LAMA5: variants seen among roughly 807,000 people sequenced by gnomAD.
The protein encoded by LAMA5 is laminin subunit alpha-5.
In LAMA5, 260 loss-of-function variants were observed where a neutral mutation model predicts 433.4. The observed-to-expected ratio is 0.60, with a 90% CI of 0.54 to 0.66. The LOEUF (loss-of-function observed/expected upper bound fraction) is 0.66, where lower values mean the gene tolerates loss of function less well. Among genes scored for constraint, LAMA5 ranks in the 30% least tolerant of loss-of-function variants. The pLI is 0.00. For missense variants in LAMA5, 5,378 were observed against 5,258.5 expected (o/e 1.02, Z -0.70); for synonymous variants, 2,620 against 2,226.6 (o/e 1.18, Z -4.97).
At position 62,346,579 on chromosome 20, in the gene LAMA5, G is replaced by A; in HGVS notation, c.1209C>T (p.Val403=). 1 of 1,588,330 alleles carries A rather than the reference G, an allele frequency of 6.3e-7. No individual in the cohort carries two copies. ...CIDCQHHTTG[V]NCERCLPGFY... is the part of the protein sequence containing the mutation. ...AGCCGGGCAGGCAGCGCTCACAGTT[G>A]ACGCCGGTGGTGTGGTGCTGGGAGT... Residue 403 remains valine (V), a synonymous_variant, in exon 9 of 80, where the codon GTC becomes GTT. Coordinates refer to ENST00000252999, the MANE Select transcript of LAMA5 (RefSeq NM_005560.6).
rs750816790 is a variant in LAMA5, at chr20:62,352,298, C to T, written c.631G>A (p.Asp211Asn). 13 of 1,599,916 alleles carry T rather than the reference C, an allele frequency of 8.1e-6. No individual in the cohort carries two copies. The Admixed American group carries it at 8.3e-5, about 10-fold the overall frequency. The change falls in exon 4 of 80, where the codon GAC (aspartate) becomes AAC (asparagine). Residue 211 changes from aspartate (D) to asparagine (N), a missense_variant. Transcript: ENST00000252999. The stretch of plus-strand genomic sequence containing the variant: ...TACTCGGTGGTGCAGATGGCCGCGT[C>T]GTCCCGTGTGATGCGCTCCAGCGTC... ...PQTLERITRD[D>N]AAICTTEYSR...
Position 62,327,555 on chromosome 20 carries a change from G to T in LAMA5, c.4912C>A (p.Arg1638=), listed in dbSNP as rs761794524. Residue 1638 remains arginine (R), a synonymous_variant, in exon 37 of 80, where the codon CGG becomes AGG. Transcript: ENST00000252999. ...TCCTGGCGGGTGTAGGACGAGCTCCGGCAGCGCTCCGTGGCCCCAAAGCAG... is the reference window on the plus strand; with the variant it reads ...TCCTGGCGGGTGTAGGACGAGCTCCTGCAGCGCTCCGTGGCCCCAAAGCAG... ...CFCFGATERC[R]SSSYTRQEFV... 6.2e-7 allele frequency: 1 copy of T among 1,612,834 alleles called. No individual in the cohort carries two copies. Among genetic ancestry groups the T allele is most frequent in the South Asian group, 1.1e-5 (1 of 91,080 alleles).
chr20:62,332,245 G>A, intron 28 of LAMA5, 127 bp downstream of exon 28: 1 of 672,764 alleles, frequency 1.5e-6, no homozygotes, highest in Non-Finnish European at 2.7e-6. Context: ...AACATGCTGG[G>A]CTGGGCATGA....
intron 2 of LAMA5, 90 bp from the exon 3 acceptor site, chr20:62,353,341 G>T: frequency 2.2e-6 from 2 of 919,184 alleles, no homozygotes; most frequent in South Asian, 1.6e-5. Context: ...CTCAGGTGAG[G>T]CCACAGCAGG....
intron 11 of LAMA5, among the ~76,000 whole-genome samples, chr20:62,343,772 A>AT (rs1474092108): frequency 6.9e-6 from 1 of 144,396 alleles, no homozygotes; most frequent in East Asian, 2.0e-4. Flanking sequence ...GTGAAACTCC[A>AT]TCAAAAAAAA....
At chr20:62,363,627 A>C (rs888104869) in intron 1 of LAMA5, among the ~76,000 whole-genome samples, 20 of 152,044 alleles carry the variant, frequency 1.3e-4, no homozygotes, top group Admixed American at 1.3e-3. Flanking sequence ...TTGTCCACAC[A>C]AAGGCGCCCT....
rs958144020 is a variant in LAMA5 at position 62,335,105 on chromosome 20, T to G, written c.2398A>C (p.Lys800Gln). 6.2e-7 allele frequency: 1 copy of G among 1,612,964 alleles called. No individual in the cohort carries two copies. Among genetic ancestry groups the G allele is most frequent in the Non-Finnish European group, 8.5e-7 (1 of 1,179,674 alleles). Residue 800 changes from lysine (K) to glutamine (Q), a missense_variant, in exon 20 of 80, where the codon AAG (lysine) becomes CAG (glutamine). By Grantham distance (53) the Lys-to-Gln change is moderately conservative. Coordinates refer to ENST00000252999, the MANE Select transcript of LAMA5 (RefSeq NM_005560.6). ...CAGGCCTGGCCGCACACGTGGGGCTTGCAGAAGCACTGGCCGGTGCCCTGG... is the reference window on the plus strand; with the variant it reads ...CAGGCCTGGCCGCACACGTGGGGCTGGCAGAAGCACTGGCCGGTGCCCTGG... The part of the protein sequence containing the change: ...CQPGTGQCFC[K>Q]PHVCGQACAS...
chr20:62,312,858 C>T (rs369563313), intron 66 of LAMA5, 30 bp downstream of exon 66: 2 of 1,600,632 alleles, frequency 1.2e-6, no homozygotes, highest in South Asian at 1.1e-5. Flanking sequence ...TCTCCTCTCC[C>T]TGCCACCCTG....
At position 62,353,243 on chromosome 20, in the gene LAMA5, G is replaced by A. The variant is rs1268836874; in HGVS notation, c.459C>T (p.His153=). 3.8e-6 allele frequency: 6 copies of A among 1,594,250 alleles called. No individual in the cohort carries two copies. The Admixed American group carries it at 5.2e-5, about 14-fold the overall frequency. ...CAAACTTGATGAGGACGTAGGCCACGTGGAAGACCTGTGGGCCGAGAGGGC... is the reference window on the plus strand; with the variant it reads ...CAAACTTGATGAGGACGTAGGCCACATGGAAGACCTGTGGGCCGAGAGGGC... The part of the protein sequence containing the change: ...NVTLDLGQVF[H]VAYVLIKFAN... The change falls in exon 3 of 80, where the codon CAC becomes CAT. Residue 153 remains histidine (H), a synonymous_variant. Transcript: ENST00000252999.
rs1981154868 is a variant in LAMA5, at chr20:62,334,447, T to TGAGGGACACG, written c.2582+65_2582+74dup. On this transcript the variant is annotated intron_variant, in intron 21 of 79. Transcript: ENST00000252999. ...GGTGAGGCCTCACGTGGGCCCATGG[T>TGAGGGACACG]GAGGGACACGGAGAGGCCCGGAGGA... is the stretch of plus-strand genomic sequence containing the variant. The TGAGGGACACG allele has an allele frequency of 1.4e-5, 21 of 1,515,636 alleles. 1 individual carries two copies. The highest frequency in any genetic ancestry group is 4.5e-4 in the Middle Eastern group (2 of 4,398). The allele number at this position is 1,515,636 out of a possible 1,614,324, so 93.9% of individuals were successfully genotyped here.
Position 62,309,287 on chromosome 20 carries a change from G to T in LAMA5, c.*49C>A. 6.4e-7 allele frequency: 1 copy of T among 1,574,228 alleles called. No individual in the cohort carries two copies. Among genetic ancestry groups the T allele is most frequent in the African/African-American group, 1.3e-5 (1 of 74,558 alleles). On this transcript the variant is annotated 3_prime_UTR_variant, in exon 80 of 80. Transcript: ENST00000252999. ...ACCTATGAGGCGAGCACAAGGGGCG[G>T]TGTGAGGCAGCTGCAGGGGCCTGAC...
At chr20:62,320,438 C>T in intron 50 of LAMA5, 121 bp downstream of exon 50, 1 of 713,108 alleles carries the variant, frequency 1.4e-6, no homozygotes, top group Non-Finnish European at 2.4e-6. Flanking sequence ...TCTCGAGCTC[C>T]TGTCCCCTGC....
intron 48 of LAMA5, among the ~76,000 whole-genome samples, 185 bp from the exon 49 acceptor site, chr20:62,321,075 A>T (rs1324578004): frequency 6.8e-6 from 1 of 146,948 alleles, no homozygotes; most frequent in African/African-American, 2.6e-5. Flanking sequence ...GGTAGGAGTC[A>T]GATGGGAGTG....
intron 79 of LAMA5, 76 bp downstream of exon 79, chr20:62,309,640 G>GT: frequency 1.0e-6 from 1 of 988,216 alleles, no homozygotes; most frequent in African/African-American, 4.4e-5. Context: ...GTGGAGGGGT[G>GT]GGGGGAGGGT....
At position 62,309,233 on chromosome 20, in the gene LAMA5, C is replaced by T. The variant is rs1027281091; in HGVS notation, c.*103G>A. 55 of 1,125,936 alleles carry T rather than the reference C, an allele frequency of 4.9e-5. No individual in the cohort carries two copies. Among genetic ancestry groups the T allele is most frequent in the South Asian group, 4.3e-4 (27 of 62,504 alleles). 69.7% of individuals were successfully genotyped at this position (1,125,936 alleles called of 1,614,324 possible). On this transcript the variant is annotated 3_prime_UTR_variant, in exon 80 of 80. Coordinates refer to ENST00000252999, the MANE Select transcript of LAMA5 (RefSeq NM_005560.6). ...AACCATCTTCAGAAACAAGATCTGT[C>T]ACCCGTAGAGCTTAGAGTCCAAATA... is the stretch of plus-strand genomic sequence containing the variant.
intron 58 of LAMA5, among the ~76,000 whole-genome samples, chr20:62,315,418 T>G (rs1250667728): frequency 6.6e-6 from 1 of 152,032 alleles, no homozygotes; most frequent in Admixed American, 6.5e-5. Flanking sequence ...ACCCAGCCTC[T>G]CAGGCCACAG....
chr20:62,328,096 G>T, intron 35 of LAMA5, 86 bp from the exon 36 acceptor site: 1 of 1,567,934 alleles, frequency 6.4e-7, no homozygotes, highest in South Asian at 1.1e-5. Flanking sequence ...CACCCAGGCA[G>T]CATCCTCCCA....
At chr20:62,350,769 G>A (rs184831988) in intron 6 of LAMA5, among the ~76,000 whole-genome samples, 3 of 152,230 alleles carry the variant, frequency 2.0e-5, no homozygotes, top group South Asian at 2.1e-4. Context: ...CGGGCACCAC[G>A]CTGAGTACTG....
At position 62,337,791 on chromosome 20, in the gene LAMA5, C is replaced by T. The variant is rs774298442; in HGVS notation, c.2026+13G>A. ...GCACCTGCCTCCCCACCACTTCCTC[C>T]CTAGGCACTCACGGACACAGCTGGG... On this transcript the variant is annotated intron_variant, in intron 15 of 79. Coordinates refer to ENST00000252999, the MANE Select transcript of LAMA5 (RefSeq NM_005560.6). 9 of 1,611,586 alleles carry T rather than the reference C, an allele frequency of 5.6e-6. No homozygotes were observed. The South Asian group carries it at 9.9e-5, about 18-fold the overall frequency.
Sources: gnomAD v4.1 joint callset for allele counts (sites outside exome capture counted in the v4.1 genomes callset) on GRCh38, gnomAD v4.1.1 for gene constraint, MANE v1.5 for transcripts, NCBI Gene and HGNC (gene_info 2026-07-23, HGNC 2026-07-21) for gene names.